WWP2: variants seen among roughly 807,000 people sequenced by gnomAD.
WWP2 encodes the protein WW domain containing E3 ubiquitin protein ligase 2.
A neutral mutation model predicts 121.0 loss-of-function variants in WWP2; 57 were observed. The observed-to-expected ratio is 0.47, with a 90% CI of 0.38 to 0.59. The LOEUF is 0.59. Ranked by LOEUF, WWP2 falls within the 20% of genes least tolerant of loss-of-function variation. WWP2 has a pLI of 0.00. For missense variants in WWP2, 962 were observed against 1,158.9 expected, an observed-to-expected ratio of 0.83 and a Z score of 2.47; for synonymous variants, 449 against 441.3, an observed-to-expected ratio of 1.02 and a Z score of -0.22.
chr16:69,797,002 C>A (rs1463963084), intron 2 of WWP2, among the ~76,000 whole-genome samples: 3 of 152,236 alleles, frequency 2.0e-5, no homozygotes, highest in African/African-American at 7.2e-5. Flanking sequence ...CAGGGAAGCT[C>A]AGGCTAGGAT....
At position 69,936,363 on chromosome 16, in the gene WWP2, G is replaced by A. The variant is rs761063633; in HGVS notation, c.2028G>A (p.Met676Ile). The A allele has an allele frequency of 3.9e-5, 63 of 1,614,018 alleles. No homozygotes were observed. The highest frequency in any genetic ancestry group is 5.3e-5 in the Non-Finnish European group (62 of 1,180,042). Residue 676 changes from methionine to isoleucine, a missense_variant, in exon 19 of 24, where the codon ATG becomes ATA. This residue lies in a region of WWP2 where 606 missense variants were observed against 772.6 expected (regional missense o/e 0.78). Transcript: ENST00000359154. ...CGLELYFIQD[M>I]EILGKVTTHE... Reference sequence around the variant, plus strand: ...TGGAGCTGTACTTCATCCAGGACATGGAGATACTGGGCAAGGTGACGACCC... The same window carrying A: ...TGGAGCTGTACTTCATCCAGGACATAGAGATACTGGGCAAGGTGACGACCC...
intron 8 of WWP2, among the ~76,000 whole-genome samples, chr16:69,908,411 C>T (rs558436730): frequency 2.0e-5 from 3 of 152,318 alleles, no homozygotes; most frequent in South Asian, 2.1e-4. Context: ...CCTCAGCTTT[C>T]ATCATGTTCC....
At chr16:69,762,748 T>G (rs1291768925) in intron 1 of WWP2, among the ~76,000 whole-genome samples, 3 of 152,086 alleles carry the variant, frequency 2.0e-5, no homozygotes, top group Non-Finnish European at 2.9e-5. Flanking sequence ...AGGGGCGACT[T>G]GGAACTGAGC....
intron 7 of WWP2, among the ~76,000 whole-genome samples, chr16:69,887,088 G>C (rs2057938709): frequency 6.6e-6 from 1 of 152,142 alleles, no homozygotes; most frequent in African/African-American, 2.4e-5. Flanking sequence ...TGCACCTTGG[G>C]GTCCTTGTGA....
intron 13 of WWP2, 109 bp downstream of exon 13, chr16:69,930,367 C>A: frequency 6.7e-7 from 1 of 1,492,542 alleles, no homozygotes; most frequent in Non-Finnish European, 9.0e-7. Flanking sequence ...CGTTCTACTG[C>A]CCTTACTGCC....
intron 1 of WWP2, among the ~76,000 whole-genome samples, chr16:69,776,759 C>T (rs939875291): frequency 8.6e-5 from 13 of 150,654 alleles, no homozygotes; most frequent in Non-Finnish European, 1.6e-4. Context: ...ACCTGGGAGG[C>T]GGAGGTTGTG....
In WWP2 at chr16:69,803,014, A is replaced by T. The variant is rs1156533050; in HGVS notation, c.340+3719A>T. Among the ~76,000 whole-genome samples the T allele has an allele frequency of 2.6e-5, 4 of 151,842 alleles. No homozygotes were observed. The East Asian group carries it at 7.8e-4, about 29-fold the overall frequency. On this transcript the variant is annotated intron_variant, in intron 4 of 23. Coordinates refer to ENST00000359154, the MANE Select transcript of WWP2 (RefSeq NM_001270454.2). ...AATAAATACTTATGAGACCTGTACA[A>T]TTTACCTTCCCATCAGCAGTGGCTG...
chr16:69,787,306 C>G (rs2055814445), intron 2 of WWP2, among the ~76,000 whole-genome samples: 2 of 152,174 alleles, frequency 1.3e-5, no homozygotes, highest in Non-Finnish European at 2.9e-5. Context: ...ATGGTGATTT[C>G]AGGCCAGGTG....
At chr16:69,923,032 G>C (rs2058585323) in intron 10 of WWP2, among the ~76,000 whole-genome samples, 1 of 152,110 alleles carries the variant, frequency 6.6e-6, no homozygotes, top group African/African-American at 2.4e-5. Flanking sequence ...TGGGATTATA[G>C]GTGCCTGCCA....
At chr16:69,846,437 G>A (rs2057080338) in intron 6 of WWP2, among the ~76,000 whole-genome samples, 1 of 151,976 alleles carries the variant, frequency 6.6e-6, no homozygotes, top group Admixed American at 6.6e-5. Flanking sequence ...AAAATGGATG[G>A]GGCTGGGTGT....
chr16:69,795,393 A>G (rs1281728290), intron 2 of WWP2, among the ~76,000 whole-genome samples: 2 of 152,164 alleles, frequency 1.3e-5, no homozygotes, highest in African/African-American at 4.8e-5. Flanking sequence ...TTACAATTAT[A>G]TAACATTTAA....
chr16:69,866,337 A>G (rs1244777525), intron 6 of WWP2, among the ~76,000 whole-genome samples: 1 of 151,414 alleles, frequency 6.6e-6, no homozygotes, highest in African/African-American at 2.4e-5. Flanking sequence ...GAGTCTTCCT[A>G]CATTGCCTGG....
chr16:69,805,684 C>A (rs967545898), intron 4 of WWP2, among the ~76,000 whole-genome samples: 2 of 151,782 alleles, frequency 1.3e-5, no homozygotes, highest in Non-Finnish European at 2.9e-5. Context: ...GATTACCACT[C>A]ACTGTGGCCT....
intron 1 of WWP2, among the ~76,000 whole-genome samples, chr16:69,773,145 C>T (rs747186257): frequency 6.6e-6 from 1 of 151,848 alleles, no homozygotes; most frequent in Non-Finnish European, 1.5e-5. Flanking sequence ...TGACGGGGAG[C>T]TCCTTCATTG....
chr16:69,877,713 C>T (rs2057757637), intron 7 of WWP2, among the ~76,000 whole-genome samples: 1 of 151,278 alleles, frequency 6.6e-6, no homozygotes, highest in South Asian at 2.1e-4. Context: ...CACTTAGAGG[C>T]CAATGTAGGG....
chr16:69,823,035 G>A (rs2056621763), intron 4 of WWP2, among the ~76,000 whole-genome samples: 2 of 152,138 alleles, frequency 1.3e-5, no homozygotes, highest in Admixed American at 6.5e-5. Context: ...GGAGGCTAAG[G>A]CAGGAGAATC....
intron 2 of WWP2, among the ~76,000 whole-genome samples, chr16:69,793,179 T>C (rs975483994): frequency 1.3e-5 from 2 of 152,020 alleles, no homozygotes; most frequent in Admixed American, 6.6e-5. Flanking sequence ...GGTGAAATCC[T>C]GTCTCTACTA....
intron 8 of WWP2, among the ~76,000 whole-genome samples, chr16:69,898,276 C>A (rs1241027677): frequency 9.2e-5 from 14 of 152,134 alleles, no homozygotes; most frequent in Non-Finnish European, 1.8e-4. Context: ...GATCTGCCCA[C>A]CTCGGCCTCC....
At chr16:69,814,260 A>G (rs541558737) in intron 4 of WWP2, among the ~76,000 whole-genome samples, 21 of 152,286 alleles carry the variant, frequency 1.4e-4, no homozygotes, top group South Asian at 8.3e-4. Context: ...TCCTGGGCTC[A>G]AGCGATCCTC....
Sources: gnomAD v4.1 joint callset for allele counts (sites outside exome capture counted in the v4.1 genomes callset) on GRCh38, gnomAD v4.1.1 for gene constraint, gnomAD v4.1.1 regional missense constraint, MANE v1.5 for transcripts, NCBI Gene and HGNC (gene_info 2026-07-23, HGNC 2026-07-21) for gene names.